HRH3: variants seen among roughly 807,000 people sequenced by gnomAD.
HRH3 encodes histamine receptor H3, also known as histamine H3 receptor.
A neutral mutation model predicts 21.6 loss-of-function variants in HRH3; 13 were observed. The observed-to-expected ratio is 0.60, with a 90% confidence interval of 0.39 to 0.96. The LOEUF is 0.96. Ranked by LOEUF, HRH3 falls within the 40% of genes least tolerant of loss-of-function variation. The probability of loss-of-function intolerance (pLI) is 0.00; values close to 1 mark genes in which losing one functional copy is unlikely to be tolerated. For missense variants in HRH3, 461 were observed against 622.7 expected (o/e 0.74, Z 2.76); for synonymous variants, 276 against 290.3 (o/e 0.95, Z 0.50).
In HRH3 at chr20:62,219,414, C is replaced by T. The variant is rs1264893850; in HGVS notation, c.250+307G>A. 6.6e-6 allele frequency among the ~76,000 whole-genome samples: 1 copy of T among 152,192 alleles called. No individual in the cohort carries two copies. The highest frequency in any genetic ancestry group is 3.2e-3 in the Middle Eastern group (1 of 316). ...GCGCCCTCCGCGCGTCCTAAGTCCG[C>T]AGCAGCCTTTGTTTGGCTACAGCGC... is the stretch of plus-strand genomic sequence containing the variant. On this transcript the variant is annotated intron_variant, in intron 1 of 2. Coordinates refer to ENST00000340177, the MANE Select transcript of HRH3 (RefSeq NM_007232.3). This position sits in a 1 kb window ranked among gnomAD's most constrained non-coding sequence, Gnocchi z 8.7.
In HRH3 at chr20:62,219,953, G is replaced by C. The variant is rs928856681; in HGVS notation, c.18C>G (p.Pro6=). 2.8e-5 allele frequency: 30 copies of C among 1,079,086 alleles called. No homozygotes were observed. The highest frequency in any genetic ancestry group is 3.0e-5 in the Non-Finnish European group (27 of 895,690). The allele number at this position is 1,079,086 out of a possible 1,614,324, so 66.8% of individuals were successfully genotyped here. The part of the protein sequence containing the change: MERAP[P]DGPLNASGAL... ...CCCCCGAAGCGTTCAGCGGCCCGTCGGGCGGCGCGCGCTCCATGGCCCCGC... is the reference window on the plus strand; with the variant it reads ...CCCCCGAAGCGTTCAGCGGCCCGTCCGGCGGCGCGCGCTCCATGGCCCCGC... Residue 6 remains proline (P), a synonymous_variant, in exon 1 of 3, where the codon CCC becomes CCG. Transcript: ENST00000340177. This position sits in a 1 kb window ranked among gnomAD's most constrained non-coding sequence, Gnocchi z 8.7.
rs1339125011 is a variant in HRH3 at position 62,216,415 on chromosome 20, G to A, written c.929C>T (p.Ser310Phe). 13 of 1,536,542 alleles carry A rather than the reference G, an allele frequency of 8.5e-6. No individual in the cohort carries two copies. The Admixed American group carries it at 2.2e-4, about 26-fold the overall frequency. The change falls in exon 3 of 3, where the codon TCC becomes TTC. Residue 310 changes from serine (S) to phenylalanine (F), a missense_variant. By Grantham distance (155) the Ser-to-Phe change is radical (BLOSUM62 -2). Around this residue, in one of 6 missense-constraint regions of HRH3, gnomAD observed 163 missense variants for 139.4 expected, o/e 1.17. Coordinates refer to ENST00000340177, the MANE Select transcript of HRH3 (RefSeq NM_007232.3). Reference protein sequence around the residue: ...VASPTSSSGSSSRGTERPRSL... With the variant: ...VASPTSSSGSFSRGTERPRSL... The stretch of plus-strand genomic sequence containing the variant: ...GCGCGGCCTCTCAGTGCCCCTCGAG[G>A]AGCTGCCGGAGCTGGAGGTGGGTGA...
rs1015628725 is a variant in HRH3 at position 62,220,125 on chromosome 20, G to C, written c.-155C>G. ...CGCCCAGCGCATGGTCCGCGGGGCC[G>C]GGGCCGGGGCCAGAGCAGGCGGTGC... On this transcript the variant is annotated 5_prime_UTR_variant, in exon 1 of 3. Coordinates refer to ENST00000340177, the MANE Select transcript of HRH3 (RefSeq NM_007232.3). 7.6e-5 allele frequency: 43 copies of C among 565,832 alleles called. No homozygotes were observed. The highest frequency in any genetic ancestry group is 8.7e-5 in the Non-Finnish European group (39 of 447,976). The allele number at this position is 565,832 out of a possible 1,614,324, so 35.1% of individuals were successfully genotyped here.
In HRH3 at chr20:62,216,060, G is replaced by C; in HGVS notation, c.1284C>G (p.Cys428Trp). 1 of 1,604,710 alleles carries C rather than the reference G, an allele frequency of 6.2e-7. No homozygotes were observed. Among genetic ancestry groups the C allele is most frequent in the Non-Finnish European group, 8.5e-7 (1 of 1,176,302 alleles). ...SFRRAFTKLL[C>W]PQKLKIQPHS... ...GGGGCTGGATTTTGAGCTTCTGGGG[G>C]CAGAGCAGCTTGGTGAAGGCCCGGC... is the stretch of plus-strand genomic sequence containing the variant. Residue 428 changes from cysteine to tryptophan, a missense_variant, in exon 3 of 3, where the codon TGC becomes TGG. Transcript: ENST00000340177.
chr20:62,216,519 A>T lies in HRH3; in HGVS notation c.825T>A (p.Tyr275Ter), dbSNP rs1372097243. ...GHGEAMPLHR[Y>*]GVGEAAVGAE... Reference sequence around the variant, plus strand: ...CGCCTACGGCCGCCTCACCCACCCCATACCTGTGCAGCGGCATGGCCTCCC... The same window carrying T: ...CGCCTACGGCCGCCTCACCCACCCCTTACCTGTGCAGCGGCATGGCCTCCC... The change falls in exon 3 of 3, where the codon TAT becomes TAA. Residue 275 changes from tyrosine (Y) to a stop codon, truncating the protein, a stop_gained. Transcript: ENST00000340177. LOFTEE classifies it low-confidence loss of function (END_TRUNC). 1.8e-5 allele frequency: 29 copies of T among 1,596,742 alleles called. No individual in the cohort carries two copies. The highest frequency in any genetic ancestry group is 2.5e-5 in the Non-Finnish European group (29 of 1,173,172).
Position 62,219,547 on chromosome 20 carries a change from A to T in HRH3, c.250+174T>A, listed in dbSNP as rs986901558. Among the ~76,000 whole-genome samples the T allele has an allele frequency of 6.6e-6, 1 of 151,862 alleles. No individual in the cohort carries two copies. The highest frequency in any genetic ancestry group is 1.5e-5 in the Non-Finnish European group (1 of 67,922). ...GCCCCTGTCCCGAGGCCTGAGTGGC[A>T]AGGAACTTCGCCTGTGCCCCCCACC... On this transcript the variant is annotated intron_variant, in intron 1 of 2. Transcript: ENST00000340177. This position sits in a 1 kb window ranked among gnomAD's most constrained non-coding sequence, Gnocchi z 8.7.
chr20:62,215,980 G>A lies in HRH3; in HGVS notation c.*26C>T. 6.5e-7 allele frequency: 1 copy of A among 1,538,006 alleles called. No individual in the cohort carries two copies. Among genetic ancestry groups the A allele is most frequent in the Non-Finnish European group, 8.8e-7 (1 of 1,139,226 alleles). Reference sequence around the variant, plus strand: ...AGGAGACCTGGGCTGAGAGAGGCGTGGCTGAGGGAGGCTCTGGTGGGCCAC... The same window carrying A: ...AGGAGACCTGGGCTGAGAGAGGCGTAGCTGAGGGAGGCTCTGGTGGGCCAC... On this transcript the variant is annotated 3_prime_UTR_variant, in exon 3 of 3. Coordinates refer to ENST00000340177, the MANE Select transcript of HRH3 (RefSeq NM_007232.3).
chr20:62,219,409 G>A lies in HRH3; in HGVS notation c.250+312C>T, dbSNP rs1034939940. 5.3e-5 allele frequency among the ~76,000 whole-genome samples: 8 copies of A among 151,778 alleles called. No homozygotes were observed. Among genetic ancestry groups the A allele is most frequent in the African/African-American group, 1.9e-4 (8 of 41,326 alleles). On this transcript the variant is annotated intron_variant, in intron 1 of 2. Transcript: ENST00000340177. This position sits in a 1 kb window ranked among gnomAD's most constrained non-coding sequence, Gnocchi z 8.7. ...CCACTGCGCCCTCCGCGCGTCCTAA[G>A]TCCGCAGCAGCCTTTGTTTGGCTAC... is the stretch of plus-strand genomic sequence containing the variant.
chr20:62,218,923 C>T lies in HRH3; in HGVS notation c.251-266G>A, dbSNP rs1275874482. 1.3e-5 allele frequency among the ~76,000 whole-genome samples: 2 copies of T among 151,526 alleles called. No individual in the cohort carries two copies. Among genetic ancestry groups the T allele is most frequent in the African/African-American group, 2.4e-5 (1 of 41,206 alleles). ...TCCAGGCATGGGGAACTCTGGCCAC[C>T]ACAAGACCCCCGAGAGCCTGGAGTC... On this transcript the variant is annotated intron_variant, in intron 1 of 2. Coordinates refer to ENST00000340177, the MANE Select transcript of HRH3 (RefSeq NM_007232.3). The surrounding 1 kb of genome is among the most constrained non-coding windows in gnomAD (Gnocchi z 5.6).
rs1395295033 is a variant in HRH3 at position 62,216,765 on chromosome 20, G to A, written c.579C>T (p.Phe193=). ...CCGTGATGAGGAAGTACCAGTTGTA[G>A]AAGAACTCGGCATAGCAGTGGCCCT... ...IPEGHCYAEF[F]YNWYFLITAS... The change falls in exon 3 of 3, where the codon TTC becomes TTT. Residue 193 remains phenylalanine, a synonymous_variant. Transcript: ENST00000340177. 3 of 1,613,260 alleles carry A rather than the reference G, an allele frequency of 1.9e-6. No homozygotes were observed. The highest frequency in any genetic ancestry group is 1.6e-4 in the Middle Eastern group (1 of 6,062).
Position 62,216,613 on chromosome 20 carries a change from G to A in HRH3, c.731C>T (p.Pro244Leu), listed in dbSNP as rs199917073. The A allele has an allele frequency of 9.3e-6, 15 of 1,610,512 alleles. No homozygotes were observed. The highest frequency in any genetic ancestry group is 1.2e-5 in the Non-Finnish European group (14 of 1,178,942). ...TGGTGAGGGCTGGGCCTCGGGAGGG[G>A]GCTCGGGGCCGGCTGCCTCTCGAGC... ...DGAREAAGPEPPPEAQPSPPP... is the reference protein window; with the variant it reads ...DGAREAAGPELPPEAQPSPPP... Residue 244 changes from proline (P) to leucine (L), a missense_variant, in exon 3 of 3, where the codon CCC (proline) becomes CTC (leucine). Coordinates refer to ENST00000340177, the MANE Select transcript of HRH3 (RefSeq NM_007232.3).
rs1360887517 is a variant in HRH3, at chr20:62,219,557, G to C, written c.250+164C>G. The stretch of plus-strand genomic sequence containing the variant: ...CGAGGCCTGAGTGGCAAGGAACTTC[G>C]CCTGTGCCCCCCACCCCATGGGCTC... On this transcript the variant is annotated intron_variant, in intron 1 of 2. Coordinates refer to ENST00000340177, the MANE Select transcript of HRH3 (RefSeq NM_007232.3). This position sits in a 1 kb window ranked among gnomAD's most constrained non-coding sequence, Gnocchi z 8.7. Among the ~76,000 whole-genome samples, 2 of 151,946 alleles carry C rather than the reference G, an allele frequency of 1.3e-5. No individual in the cohort carries two copies. Among genetic ancestry groups the C allele is most frequent in the Non-Finnish European group, 2.9e-5 (2 of 67,960 alleles).
At position 62,216,610 on chromosome 20, in the gene HRH3, G is replaced by C; in HGVS notation, c.734C>G (p.Pro245Arg). 6.2e-7 allele frequency: 1 copy of C among 1,610,282 alleles called. No homozygotes were observed. The highest frequency in any genetic ancestry group is 8.5e-7 in the Non-Finnish European group (1 of 1,178,754). Residue 245 changes from proline to arginine, a missense_variant, in exon 3 of 3, where the codon CCT (proline) becomes CGT (arginine). By Grantham distance (103) the Pro-to-Arg change is moderately radical. This residue lies in a region of HRH3 where 163 missense variants were observed against 139.4 expected (regional missense o/e 1.17). Transcript: ENST00000340177. Reference sequence around the variant, plus strand: ...GGGTGGTGAGGGCTGGGCCTCGGGAGGGGGCTCGGGGCCGGCTGCCTCTCG... The same window carrying C: ...GGGTGGTGAGGGCTGGGCCTCGGGACGGGGCTCGGGGCCGGCTGCCTCTCG... ...GAREAAGPEP[P>R]PEAQPSPPPP...
intron 2 of HRH3, among the ~76,000 whole-genome samples, chr20:62,217,563 G>A (rs1229579387): frequency 6.6e-6 from 1 of 152,234 alleles, no homozygotes; most frequent in Non-Finnish European, 1.5e-5. Context: ...AGCTGGTGGG[G>A]GCAGGGGGCA....
In HRH3 at chr20:62,216,678, G is replaced by A. The variant is rs369667690; in HGVS notation, c.666C>T (p.Tyr222=). The change falls in exon 3 of 3, where the codon TAC becomes TAT. Residue 222 remains tyrosine, a synonymous_variant. Transcript: ENST00000340177. ...GGCGGGTGCGCCTCTGGATGTTCAG[G>A]TAGATGCTGAGGTTAAAGAAGGTGA... ...LSVTFFNLSI[Y]LNIQRRTRLR... 1.9e-5 allele frequency: 31 copies of A among 1,612,936 alleles called. No individual in the cohort carries two copies. Among genetic ancestry groups the A allele is most frequent in the African/African-American group, 6.7e-5 (5 of 74,928 alleles).
In HRH3 at chr20:62,216,583, G is replaced by A; in HGVS notation, c.761C>T (p.Pro254Leu). The change falls in exon 3 of 3, where the codon CCA becomes CTA. Residue 254 changes from proline to leucine, a missense_variant. This residue lies in a region of HRH3 where 163 missense variants were observed against 139.4 expected (regional missense o/e 1.17). Coordinates refer to ENST00000340177, the MANE Select transcript of HRH3 (RefSeq NM_007232.3). ...CCAGCAGCCCCAGCAGCCAGGCGGT[G>A]GGGGTGGTGAGGGCTGGGCCTCGGG... The part of the protein sequence containing the change: ...PPPEAQPSPP[P>L]PPGCWGCWQK... 1.2e-6 allele frequency: 2 copies of A among 1,606,732 alleles called. No homozygotes were observed. Among genetic ancestry groups the A allele is most frequent in the Non-Finnish European group, 1.7e-6 (2 of 1,176,886 alleles).
intron 2 of HRH3, among the ~76,000 whole-genome samples, chr20:62,217,145 G>A (rs1049683689): frequency 3.3e-5 from 5 of 152,008 alleles, no homozygotes; most frequent in Non-Finnish European, 2.9e-5. Context: ...AGCCTCAGAA[G>A]CTCCCTGGGA....
chr20:62,215,977 C>T lies in HRH3; in HGVS notation c.*29G>A, dbSNP rs200975716. On this transcript the variant is annotated 3_prime_UTR_variant, in exon 3 of 3. Transcript: ENST00000340177. ...CCCAGGAGACCTGGGCTGAGAGAGG[C>T]GTGGCTGAGGGAGGCTCTGGTGGGC... The T allele has an allele frequency of 1.1e-4, 174 of 1,532,538 alleles. 2 individuals carry two copies. The South Asian group carries it at 1.9e-3, about 17-fold the overall frequency. The allele number at this position is 1,532,538 out of a possible 1,614,324, so 94.9% of individuals were successfully genotyped here.
At position 62,216,539 on chromosome 20, in the gene HRH3, C is replaced by T; in HGVS notation, c.805G>A (p.Ala269Thr). The T allele has an allele frequency of 1.2e-6, 2 of 1,601,432 alleles. No individual in the cohort carries two copies. The highest frequency in any genetic ancestry group is 1.7e-6 in the Non-Finnish European group (2 of 1,174,948). ...WGCWQKGHGE[A>T]MPLHRYGVGE... ...ACCCCATACCTGTGCAGCGGCATGGCCTCCCCGTGCCCCTTCTGCCAGCAG... is the reference window on the plus strand; with the variant it reads ...ACCCCATACCTGTGCAGCGGCATGGTCTCCCCGTGCCCCTTCTGCCAGCAG... The change falls in exon 3 of 3, where the codon GCC becomes ACC. Residue 269 changes from alanine to threonine, a missense_variant. Around this residue, in one of 6 missense-constraint regions of HRH3, gnomAD observed 163 missense variants for 139.4 expected, o/e 1.17. Coordinates refer to ENST00000340177, the MANE Select transcript of HRH3 (RefSeq NM_007232.3).
Sources: gnomAD v4.1 joint callset for allele counts (sites outside exome capture counted in the v4.1 genomes callset) on GRCh38, gnomAD v4.1.1 for gene constraint, gnomAD v4.1.1 regional missense constraint, Gnocchi (gnomAD v3.1) non-coding constraint, MANE v1.5 for transcripts, NCBI Gene and HGNC (gene_info 2026-07-23, HGNC 2026-07-21) for gene names.